The following TMEM132D variants were observed in gnomAD, a reference collection of about 807,000 sequenced individuals.
TMEM132D encodes the protein transmembrane protein 132D.
TMEM132D carries 21 observed loss-of-function variants against 62.3 expected under a neutral mutation model. The observed-to-expected ratio is 0.34, with a 90% CI of 0.24 to 0.49. TMEM132D has a LOEUF of 0.49. TMEM132D is among the 20% of genes least tolerant of loss of function. The pLI is 0.99. For missense variants in TMEM132D, 1,346 were observed against 1,402.8 expected (o/e 0.96, Z 0.65); for synonymous variants, 621 against 575.6 (o/e 1.08, Z -1.13).
intron 2 of TMEM132D, among the ~76,000 whole-genome samples, chr12:129,675,666 G>A (rs1880610513): frequency 6.6e-6 from 1 of 152,170 alleles, no homozygotes; most frequent in Non-Finnish European, 1.5e-5. Context: ...GGCCCCAGGG[G>A]ACAGTTGGTA....
intron 5 of TMEM132D, among the ~76,000 whole-genome samples, chr12:129,179,682 G>A (rs1878011125): frequency 6.6e-6 from 1 of 152,108 alleles, no homozygotes; most frequent in Non-Finnish European, 1.5e-5. Flanking sequence ...AATGAAATGT[G>A]AACTTCGGTT....
At chr12:129,171,536 C>T (rs1321558746) in intron 5 of TMEM132D, among the ~76,000 whole-genome samples, 1 of 152,232 alleles carries the variant, frequency 6.6e-6, no homozygotes, top group Non-Finnish European at 1.5e-5. Context: ...TCAGAGGAAT[C>T]ACAGTCTCTG....
At chr12:129,307,742 A>G (rs932492165) in intron 4 of TMEM132D, among the ~76,000 whole-genome samples, 2 of 152,172 alleles carry the variant, frequency 1.3e-5, no homozygotes, top group African/African-American at 2.4e-5. Context: ...TCTCTGCACC[A>G]AGACAGTCCA....
intron 3 of TMEM132D, among the ~76,000 whole-genome samples, chr12:129,491,954 T>A (rs1030278967): frequency 1.5e-5 from 2 of 135,994 alleles, no homozygotes; most frequent in Non-Finnish European, 3.1e-5. Flanking sequence ...AAAAAAAAAA[T>A]TGCTTATTGG....
chr12:129,459,684 A>C (rs548989098), intron 3 of TMEM132D, among the ~76,000 whole-genome samples: 1 of 152,340 alleles, frequency 6.6e-6, no homozygotes, highest in South Asian at 2.1e-4. Flanking sequence ...TCAAGGATTC[A>C]TGAAATCATG....
Position 129,903,331 on chromosome 12 carries a change from C to T in TMEM132D, c.9G>A (p.Pro3=), listed in dbSNP as rs1320574045. The part of the protein sequence containing the change: MC[P]SEMGTLWHHW... ...GGTGCCACAGCGTCCCCATCTCAGA[C>T]GGGCACATCCTGGAGACCCGGAGCG... Residue 3 remains proline (P), a synonymous_variant, in exon 1 of 9, where the codon CCG becomes CCA. Coordinates refer to ENST00000422113, the MANE Select transcript of TMEM132D (RefSeq NM_133448.3). The surrounding 1 kb of genome is among the most constrained non-coding windows in gnomAD (Gnocchi z 6.2). 22 of 1,552,640 alleles carry T rather than the reference C, an allele frequency of 1.4e-5. No individual in the cohort carries two copies. In the East Asian group the frequency reaches 1.5e-4, roughly 10 times the overall value.
At chr12:129,086,166 T>C (rs968471487) in intron 5 of TMEM132D, among the ~76,000 whole-genome samples, 3 of 151,472 alleles carry the variant, frequency 2.0e-5, no homozygotes, top group Non-Finnish European at 4.4e-5. Flanking sequence ...ACAAGTTAGC[T>C]CACATATCCA....
chr12:129,239,948 C>G (rs181106016), intron 4 of TMEM132D, among the ~76,000 whole-genome samples: 1 of 152,312 alleles, frequency 6.6e-6, no homozygotes, highest in African/African-American at 2.4e-5. Flanking sequence ...CCTAGATGTT[C>G]ACTCTCGATG....
At chr12:129,124,004 T>C (rs1436746624) in intron 5 of TMEM132D, among the ~76,000 whole-genome samples, 1 of 152,216 alleles carries the variant, frequency 6.6e-6, no homozygotes, top group African/African-American at 2.4e-5. Context: ...CCTCCATAAC[T>C]GTGTGAGCCA....
At chr12:129,304,631 C>A (rs190058115) in intron 4 of TMEM132D, among the ~76,000 whole-genome samples, 1 of 151,694 alleles carries the variant, frequency 6.6e-6, no homozygotes, top group Admixed American at 6.6e-5. Flanking sequence ...AGTTCCCCTG[C>A]CACACCCCTA....
At chr12:129,819,305 AGG>A (rs1872475021) in intron 1 of TMEM132D, among the ~76,000 whole-genome samples, 1 of 152,174 alleles carries the variant, frequency 6.6e-6, no homozygotes, top group East Asian at 1.9e-4. Flanking sequence ...GGAGCTACAA[AGG>A]AGAATTGGCA....
intron 1 of TMEM132D, among the ~76,000 whole-genome samples, chr12:129,735,840 A>G (rs570430024): frequency 6.6e-6 from 1 of 152,188 alleles, no homozygotes; most frequent in Non-Finnish European, 1.5e-5. Flanking sequence ...CTTTGCAACC[A>G]TTTATCCATG....
At chr12:129,527,383 T>C (rs1252376175) in intron 3 of TMEM132D, among the ~76,000 whole-genome samples, 3 of 152,168 alleles carry the variant, frequency 2.0e-5, no homozygotes, top group African/African-American at 4.8e-5. Context: ...AAAATCAGTA[T>C]GATAATGAAC....
rs1165537962 is a variant in TMEM132D at position 129,539,732 on chromosome 12, T to G, written c.969-8527A>C. ...CAGCCTGGAATTTTCCATTTAATGT[T>G]TTCGGACCCCAGAAAGCAAAACCTT... On this transcript the variant is annotated intron_variant, in intron 2 of 8. Coordinates refer to ENST00000422113, the MANE Select transcript of TMEM132D (RefSeq NM_133448.3). 8.5e-5 allele frequency among the ~76,000 whole-genome samples: 13 copies of G among 152,200 alleles called. No homozygotes were observed. The East Asian group carries it at 2.5e-3, about 30-fold the overall frequency.
chr12:129,285,765 T>C (rs951194883), intron 4 of TMEM132D, among the ~76,000 whole-genome samples: 6 of 152,126 alleles, frequency 3.9e-5, no homozygotes, highest in African/African-American at 1.4e-4. Flanking sequence ...AGTAACTTTT[T>C]TTTTCTCCCT....
intron 5 of TMEM132D, among the ~76,000 whole-genome samples, chr12:129,194,841 C>G (rs1878503589): frequency 6.6e-6 from 1 of 152,138 alleles, no homozygotes; most frequent in Non-Finnish European, 1.5e-5. Context: ...AGAGAGGAGT[C>G]TTCCTCCTCC....
chr12:129,512,424 G>T (rs1256773384), intron 3 of TMEM132D, among the ~76,000 whole-genome samples: 1 of 152,260 alleles, frequency 6.6e-6, no homozygotes, highest in African/African-American at 2.4e-5. Flanking sequence ...CAAAAGAGAC[G>T]AGCCCTTCTT....
intron 3 of TMEM132D, among the ~76,000 whole-genome samples, chr12:129,499,846 TTCAA>T (rs1489809239): frequency 6.6e-6 from 1 of 152,164 alleles, no homozygotes; most frequent in Non-Finnish European, 1.5e-5. Context: ...ACGTTCCCCC[TTCAA>T]TCAGTTACCT....
Position 129,387,791 on chromosome 12 carries a change from GACA to G in TMEM132D, c.1116-49977_1116-49975del, listed in dbSNP as rs1336397650. Among the ~76,000 whole-genome samples the G allele has an allele frequency of 1.4e-5, 2 of 147,206 alleles. 1 individual carries two copies. The highest frequency in any genetic ancestry group is 5.1e-5 in the African/African-American group (2 of 39,266). ...CTAACACCAACACCAATCCAGCACT[GACA>G]ATAATATGAACACTAACACGAATCC... On this transcript the variant is annotated intron_variant, in intron 3 of 8. Transcript: ENST00000422113.
Sources: allele counts gnomAD v4.1 joint callset (sites outside exome capture counted in the v4.1 genomes callset), GRCh38; gene constraint gnomAD v4.1.1; non-coding constraint Gnocchi (gnomAD v3.1); transcripts MANE v1.5; gene names NCBI Gene and HGNC (gene_info 2026-07-23, HGNC 2026-07-21).